Variants in COL3A1 observed in about 807,000 individuals in gnomAD.
COL3A1 encodes the protein collagen type III alpha 1 chain.
A neutral mutation model predicts 200.9 loss-of-function variants in COL3A1; 46 were observed. The ratio of observed to expected loss-of-function variants is 0.23; its 90% confidence interval spans 0.18 to 0.29. The LOEUF (loss-of-function observed/expected upper bound fraction) is 0.29, where lower values mean the gene tolerates loss of function less well. COL3A1 is among the 10% of genes least tolerant of loss of function. The pLI is 1.00. For missense variants in COL3A1, 1,367 were observed against 1,917.6 expected, an observed-to-expected ratio of 0.71 and a Z score of 5.36; for synonymous variants, 650 against 628.0, an observed-to-expected ratio of 1.03 and a Z score of -0.52.
In COL3A1 at chr2:189,007,004, T is replaced by G. The variant is rs758901270; in HGVS notation, c.3255+14T>G. 8.7e-6 allele frequency: 14 copies of G among 1,609,348 alleles called. No individual in the cohort carries two copies. The South Asian group carries it at 1.5e-4, about 18-fold the overall frequency. On this transcript the variant is annotated intron_variant, in intron 44 of 50. Coordinates refer to ENST00000304636, the MANE Select transcript of COL3A1 (RefSeq NM_000090.4). ...CGAGGTGCTCCTGTAAGTTTTGTCA[T>G]TTTTTGGTTTTATTTTGTTTTGTTC...
rs1325362291 is a variant in COL3A1, at chr2:189,002,952, T to C, written c.2446-3T>C. ...GAGAGATTGCTGTTGTTGTTGCATG[T>C]AGGGACAGAATGGTGAACCTGGTGG... On this transcript the variant is annotated splice_polypyrimidine_tract_variant and splice_region_variant and intron_variant, in intron 35 of 50. Transcript: ENST00000304636. 22 of 1,548,758 alleles carry C rather than the reference T, an allele frequency of 1.4e-5. No homozygotes were observed. Among genetic ancestry groups the C allele is most frequent in the Non-Finnish European group, 1.8e-5 (21 of 1,144,450 alleles).
In COL3A1 at chr2:188,998,655, T is replaced by C; in HGVS notation, c.1978-19T>C. On this transcript the variant is annotated intron_variant, in intron 28 of 50. Transcript: ENST00000304636. ...ATGCACTCTGATATGGGCCTAATCA[T>C]ATAATGCCAATCTCCCAGGGTCCAA... 1 of 1,612,784 alleles carries C rather than the reference T, an allele frequency of 6.2e-7. No homozygotes were observed. The highest frequency in any genetic ancestry group is 1.1e-5 in the South Asian group (1 of 91,032).
At chr2:189,003,096 T>C (rs962346593) in intron 36 of COL3A1, 34 bp downstream of exon 36, 2 of 1,435,316 alleles carry the variant, frequency 1.4e-6, no homozygotes, top group African/African-American at 2.8e-5. Context: ...TCTATCTATC[T>C]ATCATCTATC....
rs1688205904 is a variant in COL3A1 at position 188,992,293 on chromosome 2, A to G, written c.996+65A>G. 2.2e-6 allele frequency: 3 copies of G among 1,383,218 alleles called. No homozygotes were observed. In the Admixed American group the frequency reaches 5.1e-5, roughly 23 times the overall value. The allele number at this position is 1,383,218 out of a possible 1,614,324, so 85.7% of individuals were successfully genotyped here. A position where few individuals can be genotyped will look rare whatever the true frequency, so the allele number is the denominator to read the frequency against. On this transcript the variant is annotated intron_variant, in intron 14 of 50. Transcript: ENST00000304636. ...AGAAGTTATGGATTGTGGATTATTT[A>G]ATATTTTATATATGTATATACTCTT...
chr2:188,977,342 A>C (rs1687842519), intron 1 of COL3A1, among the ~76,000 whole-genome samples: 2 of 152,128 alleles, frequency 1.3e-5, no homozygotes, highest in African/African-American at 4.8e-5. Context: ...AATAAACTGT[A>C]GGCCTCTAGT....
At chr2:188,998,167 CT>C (rs906224446) in intron 27 of COL3A1, 98 bp from the exon 28 acceptor site, 68 of 1,164,498 alleles carry the variant, frequency 5.8e-5, no homozygotes, top group African/African-American at 1.1e-4. Context: ...ACCACTGGAA[CT>C]TTTTTTTAAT....
Position 189,010,656 on chromosome 2 carries a change from C to A in COL3A1, c.4020C>A (p.Tyr1340Ter). 6.2e-7 allele frequency: 1 copy of A among 1,614,128 alleles called. No homozygotes were observed. Residue 1340 changes from tyrosine (Y) to a stop codon, truncating the protein, a stop_gained, in exon 50 of 51, where the codon TAC becomes TAA. Transcript: ENST00000304636. LOFTEE classifies it high-confidence loss of function. ...TTTGTTCCCTATTACAGTTTAGCTA[C>A]GGCAATCCTGAACTTCCTGAAGATG... is the stretch of plus-strand genomic sequence containing the variant. ...ESMDGGFQFS[Y>*]GNPELPEDVL... is the part of the protein sequence containing the mutation.
At chr2:188,991,133 G>A (rs1379968043) in intron 11 of COL3A1, 76 bp downstream of exon 11, 6 of 1,470,602 alleles carry the variant, frequency 4.1e-6, no homozygotes, top group East Asian at 2.3e-5. Context: ...TTCATATTGT[G>A]AGCCTTAACT....
chr2:189,011,746 T>C lies in COL3A1; in HGVS notation c.4373T>C (p.Val1458Ala), dbSNP rs1576474937. ...GGTGGTCCTGATCAAGAATTTGGTG[T>C]GGACGTTGGCCCTGTTTGCTTTTTA... is the stretch of plus-strand genomic sequence containing the variant. The part of the protein sequence containing the change: ...DIGGPDQEFG[V>A]DVGPVCFL The change falls in exon 51 of 51, where the codon GTG (valine) becomes GCG (alanine). Residue 1458 changes from valine to alanine, a missense_variant. Physicochemically the swap from Val to Ala is moderately conservative, Grantham distance 64. Coordinates refer to ENST00000304636, the MANE Select transcript of COL3A1 (RefSeq NM_000090.4). 1 of 1,614,052 alleles carries C rather than the reference T, an allele frequency of 6.2e-7. No homozygotes were observed. The highest frequency in any genetic ancestry group is 1.1e-5 in the South Asian group (1 of 91,078).
chr2:188,995,167 T>C, intron 21 of COL3A1, 68 bp downstream of exon 21: 1 of 1,444,786 alleles, frequency 6.9e-7, no homozygotes, highest in Non-Finnish European at 9.7e-7. Flanking sequence ...GTATACAATT[T>C]CTCATTCATG....
In COL3A1 at chr2:189,010,780, G is replaced by C; in HGVS notation, c.4144G>C (p.Ala1382Pro). 2 of 1,614,088 alleles carry C rather than the reference G, an allele frequency of 1.2e-6. No individual in the cohort carries two copies. The highest frequency in any genetic ancestry group is 1.7e-6 in the Non-Finnish European group (2 of 1,180,018). ...AAATAGCATTGCATACATGGATCAGGCCAGTGGAAATGTAAAGAAGGCCCT... is the reference window on the plus strand; with the variant it reads ...AAATAGCATTGCATACATGGATCAGCCCAGTGGAAATGTAAAGAAGGCCCT... ...CKNSIAYMDQ[A>P]SGNVKKALKL... The change falls in exon 50 of 51, where the codon GCC (alanine) becomes CCC (proline). Residue 1382 changes from alanine to proline, a missense_variant. Ala to Pro is a conservative substitution (Grantham distance 27). Coordinates refer to ENST00000304636, the MANE Select transcript of COL3A1 (RefSeq NM_000090.4).
Position 189,005,465 on chromosome 2 carries a change from G to A in COL3A1, c.3039+8G>A. The A allele has an allele frequency of 6.2e-7, 1 of 1,609,180 alleles. No homozygotes were observed. The highest frequency in any genetic ancestry group is 8.5e-7 in the Non-Finnish European group (1 of 1,175,546). The stretch of plus-strand genomic sequence containing the variant: ...GGTGAACCTGGAAGAGATGTGAGTA[G>A]CAGTTTTTATTCAACCAGCCAGGTA... On this transcript the variant is annotated splice_region_variant and intron_variant, in intron 41 of 50. Transcript: ENST00000304636.
intron 32 of COL3A1, among the ~76,000 whole-genome samples, chr2:189,000,916 C>G (rs1688445483): frequency 6.6e-6 from 1 of 152,060 alleles, no homozygotes; most frequent in Non-Finnish European, 1.5e-5. Context: ...TTTTGACAGA[C>G]TAAGTAGATA....
rs368119434 is a variant in COL3A1 at position 189,009,162 on chromosome 2, G to T, written c.3764G>T (p.Arg1255Leu). 2.5e-6 allele frequency: 4 copies of T among 1,614,040 alleles called. No individual in the cohort carries two copies. Among genetic ancestry groups the T allele is most frequent in the Non-Finnish European group, 2.5e-6 (3 of 1,180,032 alleles). The part of the protein sequence containing the change: ...IESLISPDGS[R>L]KNPARNCRDL... Reference sequence around the variant, plus strand: ...AGCCTCATTAGTCCTGATGGTTCTCGTAAAAACCCCGCTAGAAACTGCAGA... The same window carrying T: ...AGCCTCATTAGTCCTGATGGTTCTCTTAAAAACCCCGCTAGAAACTGCAGA... Residue 1255 changes from arginine (R) to leucine (L), a missense_variant, in exon 48 of 51, where the codon CGT (arginine) becomes CTT (leucine). Physicochemically the swap from Arg to Leu is moderately radical, Grantham distance 102. Around this residue, in one of 5 missense-constraint regions of COL3A1, gnomAD observed 846 missense variants for 1,147.9 expected, o/e 0.74. Transcript: ENST00000304636.
chr2:188,991,282 T>G (rs1367318757), intron 11 of COL3A1, among the ~76,000 whole-genome samples: 1 of 152,166 alleles, frequency 6.6e-6, no homozygotes, highest in Non-Finnish European at 1.5e-5. Context: ...TAGTATAACT[T>G]ATCAATTACT....
intron 15 of COL3A1, 94 bp downstream of exon 15, chr2:188,993,034 C>A: frequency 1.8e-6 from 2 of 1,124,334 alleles, no homozygotes; most frequent in Non-Finnish European, 2.7e-6. Context: ...TTTAATCAGT[C>A]AAATGGATAG....
At chr2:188,986,866 T>A (rs1209096861) in intron 4 of COL3A1, among the ~76,000 whole-genome samples, 193 bp from the exon 5 acceptor site, 1 of 152,070 alleles carries the variant, frequency 6.6e-6, no homozygotes, top group East Asian at 1.9e-4. Flanking sequence ...AGAAAATGCT[T>A]CTGTAGGATA....
chr2:188,993,542 C>T, intron 16 of COL3A1, 83 bp downstream of exon 16: 1 of 1,189,710 alleles, frequency 8.4e-7, no homozygotes, highest in Middle Eastern at 2.7e-4. Flanking sequence ...TCCATGAAAG[C>T]ATGTGCTTCA....
intron 10 of COL3A1, 121 bp from the exon 11 acceptor site, chr2:188,990,883 T>G: frequency 1.0e-6 from 1 of 956,250 alleles, no homozygotes; most frequent in East Asian, 2.4e-5. Context: ...TTTAAATTAT[T>G]TAAGCTAATT....
Sources: allele counts gnomAD v4.1 joint callset (sites outside exome capture counted in the v4.1 genomes callset), GRCh38; gene constraint gnomAD v4.1.1; regional missense constraint gnomAD v4.1.1; transcripts MANE v1.5; gene names NCBI Gene and HGNC (gene_info 2026-07-23, HGNC 2026-07-21).